Variants in PKHD1 observed in about 807,000 individuals in gnomAD.
PKHD1 encodes the protein fibrocystin.
Under a neutral mutation model 412.0 loss-of-function variants are expected in PKHD1, and 291 were observed. That is an observed-to-expected ratio of 0.71 (90% CI 0.64 to 0.78). The LOEUF (loss-of-function observed/expected upper bound fraction) is 0.78, where lower values mean the gene tolerates loss of function less well. Ranked by LOEUF, PKHD1 falls within the 30% of genes least tolerant of loss-of-function variation. The probability of loss-of-function intolerance (pLI) is 0.00; values close to 1 mark genes in which losing one functional copy is unlikely to be tolerated. For synonymous variants in PKHD1, 1,777 were observed against 1,821.5 expected (o/e 0.98, Z 0.62); for missense variants, 4,825 against 4,950.7 (o/e 0.97, Z 0.76).
intron 35 of PKHD1, among the ~76,000 whole-genome samples, chr6:51,967,362 G>C (rs1792967010): frequency 6.6e-6 from 1 of 152,002 alleles, no homozygotes; most frequent in African/African-American, 2.4e-5. Context: ...GGTAAATTCT[G>C]TTTCATACTA....
chr6:51,666,956 TG>T (rs1240684094), intron 60 of PKHD1, among the ~76,000 whole-genome samples: 1 of 151,262 alleles, frequency 6.6e-6, no homozygotes, highest in African/African-American at 2.4e-5. Context: ...GTTGGACATT[TG>T]GGTTGGTTCC....
Position 52,029,676 on chromosome 6 carries a change from C to T in PKHD1, c.3365-1325G>A, listed in dbSNP as rs1309050950. ...CGGTTTTATCCAAAGCCTTTCATAG[C>T]AATTTCTCACTTAATCACCCAGTGG... On this transcript the variant is annotated intron_variant, in intron 29 of 66. Transcript: ENST00000371117. Among the ~76,000 whole-genome samples, 3 of 152,188 alleles carry T rather than the reference C, an allele frequency of 2.0e-5. No individual in the cohort carries two copies. In the East Asian group the frequency reaches 5.8e-4, roughly 29 times the overall value.
intron 63 of PKHD1, 81 bp downstream of exon 63, chr6:51,647,950 A>T (rs1166619695): frequency 1.2e-6 from 1 of 859,716 alleles, no homozygotes; most frequent in East Asian, 2.4e-5. Flanking sequence ...CAATTTTGCT[A>T]TGAATTCCTA....
At chr6:51,931,990 A>G (rs1363414757) in intron 37 of PKHD1, among the ~76,000 whole-genome samples, 1 of 151,910 alleles carries the variant, frequency 6.6e-6, no homozygotes, top group Non-Finnish European at 1.5e-5. Flanking sequence ...AATAAAGGAG[A>G]GGGAGAGAGG....
chr6:52,062,827 G>A (rs897560280), intron 13 of PKHD1, among the ~76,000 whole-genome samples, 167 bp from the exon 14 acceptor site: 3 of 152,184 alleles, frequency 2.0e-5, no homozygotes, highest in Non-Finnish European at 4.4e-5. Context: ...TAGTTAATAT[G>A]AAATACAAAT....
chr6:51,659,052 G>A lies in PKHD1; in HGVS notation c.11074C>T (p.Arg3692Ter), dbSNP rs769559267. 12 of 1,613,298 alleles carry A rather than the reference G, an allele frequency of 7.4e-6. No homozygotes were observed. The highest frequency in any genetic ancestry group is 1.7e-4 in the Middle Eastern group (1 of 6,056). Reference sequence around the variant, plus strand: ...CCAGTCTGTTGAGCAGTGATGACTCGATGAGCCAAATTCTGTAATTTGTTA... The same window carrying A: ...CCAGTCTGTTGAGCAGTGATGACTCAATGAGCCAAATTCTGTAATTTGTTA... ...SSNKLQNLAH[R>*]VITAQQTGVL... Residue 3692 changes from arginine (R) to a stop codon, truncating the protein, a stop_gained, in exon 61 of 67, where the codon CGA (arginine) becomes TGA (stop). Coordinates refer to ENST00000371117, the MANE Select transcript of PKHD1 (RefSeq NM_138694.4). LOFTEE classifies it high-confidence loss of function.
At chr6:51,638,542 T>C (rs907460360) in intron 64 of PKHD1, among the ~76,000 whole-genome samples, 2 of 152,020 alleles carry the variant, frequency 1.3e-5, no homozygotes, top group African/African-American at 4.8e-5. Flanking sequence ...CATTCTCCTA[T>C]TAATATCTAA....
chr6:51,721,346 T>C, intron 60 of PKHD1: 2 of 584,808 alleles, frequency 3.4e-6, no homozygotes, highest in Non-Finnish European at 4.3e-6. Context: ...AGTATTAGTA[T>C]ATTATTGATA....
rs140237283 is a variant in PKHD1 at position 51,944,804 on chromosome 6, C to A, written c.5909-10482G>T. On this transcript the variant is annotated intron_variant, in intron 36 of 66. Transcript: ENST00000371117. ...TTGTCTGTGCAACTGGCAGGAAGAA[C>A]CCACCGGGTGATTATATCTACAACC... 7.9e-4 allele frequency among the ~76,000 whole-genome samples: 120 copies of A among 152,276 alleles called. 1 individual carries two copies. The East Asian group carries it at 0.021, about 27-fold the overall frequency.
At chr6:52,005,913 G>T (rs543331342) in intron 35 of PKHD1, among the ~76,000 whole-genome samples, 2 of 149,458 alleles carry the variant, frequency 1.3e-5, no homozygotes, top group Admixed American at 1.3e-4. Context: ...CAGTTATCTT[G>T]TGATAAGAGG....
chr6:51,928,555 G>C (rs1306738142), intron 37 of PKHD1, among the ~76,000 whole-genome samples: 1 of 152,170 alleles, frequency 6.6e-6, no homozygotes, highest in African/African-American at 2.4e-5. Context: ...AATGTGGCTT[G>C]AGCTTGGACA....
intron 43 of PKHD1, among the ~76,000 whole-genome samples, chr6:51,900,913 A>G (rs1781153599): frequency 6.6e-6 from 1 of 152,264 alleles, no homozygotes; most frequent in Admixed American, 6.5e-5. Context: ...AAACACATAA[A>G]AAAATGCTCA....
chr6:51,958,189 C>T (rs1028228501), intron 36 of PKHD1, among the ~76,000 whole-genome samples: 1 of 152,054 alleles, frequency 6.6e-6, no homozygotes, highest in African/African-American at 2.4e-5. Context: ...AAACTGGAAT[C>T]TACTACTTAG....
chr6:51,883,337 T>TACAA, intron 45 of PKHD1, 110 bp from the exon 46 acceptor site: 1 of 975,900 alleles, frequency 1.0e-6, no homozygotes, highest in Non-Finnish European at 1.6e-6. Context: ...CTATATTGTA[T>TACAA]TAAAGCACCT....
rs202078527 is a variant in PKHD1, at chr6:52,017,395, A to T, written c.5600+15T>A. 1.4e-5 allele frequency: 21 copies of T among 1,554,580 alleles called. No individual in the cohort carries two copies. In the African/African-American group the frequency reaches 2.2e-4, roughly 16 times the overall value. ...CATTTGTGGGGAAGTTCAGGGAGGGAGAAGGTAAAGTTACCTGATAAAGAG... is the reference window on the plus strand; with the variant it reads ...CATTTGTGGGGAAGTTCAGGGAGGGTGAAGGTAAAGTTACCTGATAAAGAG... On this transcript the variant is annotated intron_variant, in intron 34 of 66. Coordinates refer to ENST00000371117, the MANE Select transcript of PKHD1 (RefSeq NM_138694.4).
intron 55 of PKHD1, among the ~76,000 whole-genome samples, chr6:51,759,842 T>C (rs1389297692): frequency 6.6e-6 from 1 of 152,112 alleles, no homozygotes; most frequent in Non-Finnish European, 1.5e-5. Context: ...TACTCAGAGT[T>C]ACACCTTTAG....
chr6:51,683,182 A>G (rs1426483404), intron 60 of PKHD1, among the ~76,000 whole-genome samples: 1 of 152,044 alleles, frequency 6.6e-6, no homozygotes. Context: ...TTTCAGGTAA[A>G]TTACTTCTAA....
At chr6:51,977,961 G>A (rs1385535843) in intron 35 of PKHD1, among the ~76,000 whole-genome samples, 1 of 152,168 alleles carries the variant, frequency 6.6e-6, no homozygotes, top group Non-Finnish European at 1.5e-5. Context: ...TGAGGGAGAA[G>A]CAAAGCTCCT....
chr6:52,065,556 G>A (rs1258309455), intron 12 of PKHD1, among the ~76,000 whole-genome samples: 1 of 152,166 alleles, frequency 6.6e-6, no homozygotes, highest in South Asian at 2.1e-4. Flanking sequence ...AAAAGGGTTT[G>A]CCAAGGTTGG....
Sources: gnomAD v4.1 joint callset for allele counts (sites outside exome capture counted in the v4.1 genomes callset) on GRCh38, gnomAD v4.1.1 for gene constraint, MANE v1.5 for transcripts, NCBI Gene and HGNC (gene_info 2026-07-23, HGNC 2026-07-21) for gene names.